Variants in SORCS1 observed in about 807,000 individuals in gnomAD.
The protein encoded by SORCS1 is VPS10 domain-containing receptor SorCS1.
SORCS1 carries 60 observed loss-of-function variants against 146.1 expected under a neutral mutation model. The observed-to-expected ratio is 0.41, with a 90% CI of 0.33 to 0.51. The LOEUF (loss-of-function observed/expected upper bound fraction) is 0.51. Among genes scored for constraint, SORCS1 ranks in the 20% least tolerant of loss-of-function variants. The pLI is 0.21. For synonymous variants in SORCS1, 637 were observed against 584.0 expected (o/e 1.09, Z -1.31); for missense variants, 1,352 against 1,487.6 (o/e 0.91, Z 1.50).
In SORCS1 at chr10:107,137,862, CAA is replaced by C. The variant is rs57279379; in HGVS notation, c.558+26105_558+26106del. On this transcript the variant is annotated intron_variant, in intron 1 of 25. Coordinates refer to ENST00000263054, the MANE Select transcript of SORCS1 (RefSeq NM_052918.5). ...GGGCAACAAGAGCGAAACTCCGTCT[CAA>C]AAAAAAAAAAAAAAAATTCAATACT... 5.7e-3 allele frequency among the ~76,000 whole-genome samples: 548 copies of C among 95,494 alleles called. 2 individuals carry two copies. The highest frequency in any genetic ancestry group is 0.017 in the African/African-American group (470 of 27,946). 62.6% of individuals were successfully genotyped at this position (95,494 alleles called of 152,430 possible).
At chr10:107,044,512 TAAAAAAAAAAAA>T (rs59253149) in intron 1 of SORCS1, among the ~76,000 whole-genome samples, 7 of 74,086 alleles carry the variant, frequency 9.4e-5, no homozygotes, top group East Asian at 3.9e-4. Context: ...TTCTAATTTG[TAAAAAAAAAAAA>T]AAAAAAAAAA....
chr10:106,909,740 T>C (rs1452934892), intron 2 of SORCS1, among the ~76,000 whole-genome samples: 1 of 152,220 alleles, frequency 6.6e-6, no homozygotes, highest in Non-Finnish European at 1.5e-5. Flanking sequence ...TCCATCTCTT[T>C]TACAAATCAC....
chr10:106,969,678 G>A (rs1306259018), intron 1 of SORCS1, among the ~76,000 whole-genome samples: 1 of 152,198 alleles, frequency 6.6e-6, no homozygotes, highest in East Asian at 1.9e-4. Flanking sequence ...GTGCCTTAGA[G>A]ATAGACATAC....
rs150257799 is a variant in SORCS1, at chr10:106,906,768, T to C, written c.626+49745A>G. On this transcript the variant is annotated intron_variant, in intron 2 of 25. Coordinates refer to ENST00000263054, the MANE Select transcript of SORCS1 (RefSeq NM_052918.5). Reference sequence around the variant, plus strand: ...AATAACAGGTGAGTCTGAGTTCAGATACAAACCTGAGAATCCAGATACATA... The same window carrying C: ...AATAACAGGTGAGTCTGAGTTCAGACACAAACCTGAGAATCCAGATACATA... Among the ~76,000 whole-genome samples the C allele has an allele frequency of 6.8e-4, 103 of 152,272 alleles. No individual in the cohort carries two copies. The South Asian group carries it at 0.012, about 17-fold the overall frequency.
At chr10:106,739,492 G>T (rs867520051) in intron 5 of SORCS1, among the ~76,000 whole-genome samples, 1 of 116,128 alleles carries the variant, frequency 8.6e-6, no homozygotes. Flanking sequence ...GTCTCAAAAA[G>T]AAAAAAAAAA....
At chr10:106,765,513 C>T (rs1188605904) in intron 4 of SORCS1, among the ~76,000 whole-genome samples, 2 of 152,014 alleles carry the variant, frequency 1.3e-5, no homozygotes, top group Non-Finnish European at 2.9e-5. Context: ...GAGCTTTGAG[C>T]CAACTGTTAG....
intron 1 of SORCS1, among the ~76,000 whole-genome samples, chr10:107,127,454 G>C (rs1230777050): frequency 2.6e-5 from 4 of 152,084 alleles, no homozygotes; most frequent in Non-Finnish European, 1.5e-5. Context: ...ATGTCTTTCT[G>C]TTCATTTTCT....
intron 1 of SORCS1, among the ~76,000 whole-genome samples, chr10:107,138,770 A>G (rs1967554619): frequency 6.6e-6 from 1 of 152,162 alleles, no homozygotes; most frequent in Non-Finnish European, 1.5e-5. Context: ...TTGAGGAAAA[A>G]AATGTATGTG....
In SORCS1 at chr10:106,708,919, C is replaced by T. The variant is rs188119385; in HGVS notation, c.1143+304G>A. ...TGGAATGCAGGTGTGGGGGACAGAT[C>T]GTACTGTGCATCATCCTAGAGACAA... On this transcript the variant is annotated intron_variant, in intron 7 of 25. Coordinates refer to ENST00000263054, the MANE Select transcript of SORCS1 (RefSeq NM_052918.5). Among the ~76,000 whole-genome samples the T allele has an allele frequency of 3.0e-3, 456 of 152,240 alleles. 2 individuals are homozygous for T. The highest frequency in any genetic ancestry group is 0.01 in the African/African-American group (428 of 41,536).
intron 2 of SORCS1, among the ~76,000 whole-genome samples, chr10:106,892,938 A>C (rs1951294120): frequency 6.9e-6 from 1 of 144,928 alleles, no homozygotes; most frequent in Non-Finnish European, 1.5e-5. Flanking sequence ...TTTTTTGCCC[A>C]GACTGGAGTG....
intron 9 of SORCS1, among the ~76,000 whole-genome samples, chr10:106,690,681 G>C (rs1476445340): frequency 6.6e-6 from 1 of 152,218 alleles, no homozygotes; most frequent in Non-Finnish European, 1.5e-5. Flanking sequence ...GGATAGAGCT[G>C]GAGAGGGTCT....
intron 3 of SORCS1, among the ~76,000 whole-genome samples, chr10:106,812,944 C>T (rs369067177): frequency 1.5e-4 from 22 of 151,652 alleles, no homozygotes; most frequent in African/African-American, 2.7e-4. Flanking sequence ...CTGCTCAGCA[C>T]GCACATGCAA....
chr10:106,680,679 G>A (rs140479309), intron 10 of SORCS1, among the ~76,000 whole-genome samples: 3,443 of 152,230 alleles, frequency 0.023, 83 homozygotes, highest in Non-Finnish European at 0.036. Flanking sequence ...AATAGTTCTT[G>A]TACTGAGTTG....
At chr10:106,852,101 A>G (rs1564735408) in intron 2 of SORCS1, among the ~76,000 whole-genome samples, 1 of 152,122 alleles carries the variant, frequency 6.6e-6, no homozygotes, top group Non-Finnish European at 1.5e-5. Context: ...CTAAGATTTT[A>G]TACATAGATG....
chr10:106,603,129 A>T (rs892475230), intron 23 of SORCS1, among the ~76,000 whole-genome samples: 5 of 152,296 alleles, frequency 3.3e-5, no homozygotes, highest in African/African-American at 1.2e-4. Flanking sequence ...AGCATCACAA[A>T]CAATCACGAT....
intron 18 of SORCS1, among the ~76,000 whole-genome samples, chr10:106,633,616 G>A (rs990039761): frequency 8.5e-5 from 13 of 152,174 alleles, no homozygotes; most frequent in African/African-American, 3.1e-4. Context: ...TGAACTGGAA[G>A]TGTGTTGGAA....
chr10:106,868,376 A>C (rs536618167), intron 2 of SORCS1, among the ~76,000 whole-genome samples: 1 of 152,244 alleles, frequency 6.6e-6, no homozygotes, highest in African/African-American at 2.4e-5. Context: ...CTCTCCACCC[A>C]AAAACAACAG....
intron 2 of SORCS1, among the ~76,000 whole-genome samples, chr10:106,885,268 GT>G (rs1172106839): frequency 7.2e-6 from 1 of 138,998 alleles, no homozygotes; most frequent in East Asian, 2.4e-4. Flanking sequence ...ATATAATAAA[GT>G]TTTTAAGGAG....
chr10:106,995,344 C>T (rs1956949111), intron 1 of SORCS1, among the ~76,000 whole-genome samples: 1 of 150,024 alleles, frequency 6.7e-6, no homozygotes, highest in African/African-American at 2.5e-5. Context: ...AACAGGGTAA[C>T]AGAGAATAGA....
Sources: gnomAD v4.1 joint callset for allele counts (sites outside exome capture counted in the v4.1 genomes callset) on GRCh38, gnomAD v4.1.1 for gene constraint, MANE v1.5 for transcripts, NCBI Gene and HGNC (gene_info 2026-07-23, HGNC 2026-07-21) for gene names.